HS2ST1: variants seen among roughly 807,000 people sequenced by gnomAD.
HS2ST1 encodes the protein 2-O-sulfotransferase.
In HS2ST1, 18 loss-of-function variants were observed where a neutral mutation model predicts 42.9. The observed-to-expected ratio is 0.42, with a 90% CI of 0.29 to 0.62. The LOEUF (loss-of-function observed/expected upper bound fraction) is 0.62, where lower values mean the gene tolerates loss of function less well. Ranked by LOEUF, HS2ST1 falls within the 20% of genes least tolerant of loss-of-function variation. The pLI is 0.21. For missense variants in HS2ST1, 334 were observed against 433.8 expected (o/e 0.77, Z 2.04); for synonymous variants, 146 against 152.9 (o/e 0.95, Z 0.33).
intron 1 of HS2ST1, among the ~76,000 whole-genome samples, chr1:87,038,806 G>A (rs919470791): frequency 3.3e-5 from 5 of 151,976 alleles, no homozygotes; most frequent in Non-Finnish European, 7.4e-5. Flanking sequence ...TGGGAATTGG[G>A]CAGATAGATA....
intron 3 of HS2ST1, among the ~76,000 whole-genome samples, chr1:87,085,380 A>G (rs570063686): frequency 1.3e-5 from 2 of 152,324 alleles, no homozygotes; most frequent in East Asian, 3.9e-4. Context: ...AAGTAGAATG[A>G]AGTATTACTG....
At chr1:87,101,071 C>T (rs955101353) in intron 5 of HS2ST1, among the ~76,000 whole-genome samples, 1 of 150,976 alleles carries the variant, frequency 6.6e-6, no homozygotes, top group African/African-American at 2.4e-5. Flanking sequence ...CACAGCCAGG[C>T]CACATCTTAA....
At chr1:86,985,859 A>G (rs61771745) in intron 1 of HS2ST1, among the ~76,000 whole-genome samples, 22,855 of 152,070 alleles carry the variant, frequency 0.15, 1,942 homozygotes, top group African/African-American at 0.23. Flanking sequence ...ATCTACAGCA[A>G]CCAGCCAAAG....
intron 1 of HS2ST1, among the ~76,000 whole-genome samples, chr1:87,024,443 G>A (rs114301636): frequency 2.2e-4 from 33 of 151,556 alleles, no homozygotes; most frequent in African/African-American, 7.8e-4. Flanking sequence ...GGAGGCTTCC[G>A]TGAGCCGAGA....
At chr1:87,008,906 C>T (rs1472139847) in intron 1 of HS2ST1, among the ~76,000 whole-genome samples, 1 of 152,138 alleles carries the variant, frequency 6.6e-6, no homozygotes, top group Non-Finnish European at 1.5e-5. Flanking sequence ...TGCAGTGGTG[C>T]AATCATGGCT....
At chr1:86,949,540 A>G (rs574279176) in intron 1 of HS2ST1, among the ~76,000 whole-genome samples, 1 of 152,198 alleles carries the variant, frequency 6.6e-6, no homozygotes, top group South Asian at 2.1e-4. Flanking sequence ...ACTGCACTCC[A>G]CCCTGGGTGA....
At chr1:86,963,806 C>A (rs1369835015) in intron 1 of HS2ST1, among the ~76,000 whole-genome samples, 5 of 139,782 alleles carry the variant, frequency 3.6e-5, no homozygotes, top group Admixed American at 6.8e-5. Context: ...CCACCTCCCC[C>A]CCTGGACGGG....
intron 1 of HS2ST1, among the ~76,000 whole-genome samples, chr1:86,959,992 T>C (rs1371747362): frequency 6.6e-6 from 1 of 152,152 alleles, no homozygotes; most frequent in East Asian, 1.9e-4. Context: ...CACAATATTA[T>C]AGGAGAACAA....
chr1:86,988,706 G>C lies in HS2ST1; in HGVS notation c.124+73546G>C, dbSNP rs536861469. 1.5e-4 allele frequency among the ~76,000 whole-genome samples: 23 copies of C among 152,280 alleles called. No homozygotes were observed. In the South Asian group the frequency reaches 4.8e-3, roughly 32 times the overall value. ...CGCTGTGATCATTGGCCTAATTACAGTCACTGCACTGGCCACTACTGCCGG... is the reference window on the plus strand; with the variant it reads ...CGCTGTGATCATTGGCCTAATTACACTCACTGCACTGGCCACTACTGCCGG... On this transcript the variant is annotated intron_variant, in intron 1 of 6. Coordinates refer to ENST00000370550, the MANE Select transcript of HS2ST1 (RefSeq NM_012262.4).
At chr1:87,039,687 AC>A (rs1302659808) in intron 1 of HS2ST1, among the ~76,000 whole-genome samples, 1 of 152,140 alleles carries the variant, frequency 6.6e-6, no homozygotes, top group African/African-American at 2.4e-5. Context: ...TCCTGATTTT[AC>A]CACTTACTGG....
At chr1:86,916,506 T>C (rs1302881353) in intron 1 of HS2ST1, among the ~76,000 whole-genome samples, 1 of 152,194 alleles carries the variant, frequency 6.6e-6, no homozygotes, top group Non-Finnish European at 1.5e-5. Context: ...AGAAAAACCA[T>C]CAAGTAAATC....
chr1:87,075,429 A>C (rs1651516629), intron 2 of HS2ST1, among the ~76,000 whole-genome samples: 1 of 152,096 alleles, frequency 6.6e-6, no homozygotes, highest in South Asian at 2.1e-4. Flanking sequence ...GGCCTCCCAA[A>C]GTGCTGGGAT....
rs749692667 is a variant in HS2ST1, at chr1:87,046,864, C to T, written c.125-26070C>T. Among the ~76,000 whole-genome samples, 4 of 146,568 alleles carry T rather than the reference C, an allele frequency of 2.7e-5. 1 individual carries two copies. The highest frequency in any genetic ancestry group is 2.3e-4 in the South Asian group (1 of 4,364). On this transcript the variant is annotated intron_variant, in intron 1 of 6. Transcript: ENST00000370550. ...TAGCTGGGATTATAGGCACCCACCA[C>T]GCCCAGCTGATTTTTGTATTTTTAG...
intron 1 of HS2ST1, among the ~76,000 whole-genome samples, chr1:86,940,900 G>A (rs1660746688): frequency 6.6e-6 from 1 of 152,116 alleles, no homozygotes. Context: ...GGGCTGAGGT[G>A]TCAGGATCAC....
chr1:87,084,568 C>G (rs532381690), intron 3 of HS2ST1, among the ~76,000 whole-genome samples: 8 of 152,106 alleles, frequency 5.3e-5, no homozygotes, highest in East Asian at 1.9e-4. Flanking sequence ...CAGGAGAGCT[C>G]AAGTTATAAC....
At chr1:86,945,975 T>G (rs1012167021) in intron 1 of HS2ST1, among the ~76,000 whole-genome samples, 1 of 152,188 alleles carries the variant, frequency 6.6e-6, no homozygotes, top group Non-Finnish European at 1.5e-5. Context: ...AAACAAATAC[T>G]GAAAGCTGTA....
chr1:86,943,784 G>C (rs1008347585), intron 1 of HS2ST1, among the ~76,000 whole-genome samples: 5 of 151,938 alleles, frequency 3.3e-5, no homozygotes, highest in African/African-American at 9.7e-5. Flanking sequence ...CCAGCACTTT[G>C]GGTGGCTGAG....
rs114450145 is a variant in HS2ST1 at position 86,999,723 on chromosome 1, A to G, written c.125-73211A>G. Among the ~76,000 whole-genome samples the G allele has an allele frequency of 1.8e-3, 272 of 152,224 alleles. 2 individuals are homozygous for G. The highest frequency in any genetic ancestry group is 6.4e-3 in the African/African-American group (265 of 41,526). ...CCCAACTTACTTTTGTTAATCATAC[A>G]TCTGTTTTAGGCCTAGTAAAGTCAA... On this transcript the variant is annotated intron_variant, in intron 1 of 6. Transcript: ENST00000370550.
intron 1 of HS2ST1, among the ~76,000 whole-genome samples, chr1:86,973,454 C>T (rs146956874): frequency 7.9e-5 from 12 of 151,974 alleles, no homozygotes; most frequent in African/African-American, 2.9e-4. Context: ...GATTTCAAAC[C>T]CTAAATTCTA....
Sources: allele counts gnomAD v4.1 joint callset (sites outside exome capture counted in the v4.1 genomes callset), GRCh38; gene constraint gnomAD v4.1.1; transcripts MANE v1.5; gene names NCBI Gene and HGNC (gene_info 2026-07-23, HGNC 2026-07-21).